DNM2: variants seen among roughly 807,000 people sequenced by gnomAD.
DNM2 encodes the protein dynamin-2.
DNM2 carries 15 observed loss-of-function variants against 99.0 expected under a neutral mutation model. That is an observed-to-expected ratio of 0.15 (90% CI 0.10 to 0.23). The LOEUF (loss-of-function observed/expected upper bound fraction) is 0.23. Among genes scored for constraint, DNM2 ranks in the 10% least tolerant of loss-of-function variants. The pLI is 1.00. For missense variants in DNM2, 742 were observed against 1,189.4 expected (o/e 0.62, Z 5.53); for synonymous variants, 525 against 481.2 (o/e 1.09, Z -1.19).
In DNM2 at chr19:10,764,938, T is replaced by G. The variant is rs796558589; in HGVS notation, c.235+5127T>G. Among the ~76,000 whole-genome samples the G allele has an allele frequency of 2.3e-4, 35 of 151,628 alleles. No individual in the cohort carries two copies. Among genetic ancestry groups the G allele is most frequent in the Non-Finnish European group, 2.9e-5 (2 of 67,924 alleles). On this transcript the variant is annotated intron_variant, in intron 2 of 20. Transcript: ENST00000389253. This position sits in a 1 kb window ranked among gnomAD's most constrained non-coding sequence, Gnocchi z 4.1. ...CCCCGGTCCCCGGCAGCACGAGTTATCCTGTTCTTGTTTTTTCTTTTTCTT... is the reference window on the plus strand; with the variant it reads ...CCCCGGTCCCCGGCAGCACGAGTTAGCCTGTTCTTGTTTTTTCTTTTTCTT...
intron 11 of DNM2, among the ~76,000 whole-genome samples, chr19:10,799,654 C>T (rs1192432862): frequency 6.6e-6 from 1 of 151,832 alleles, no homozygotes; most frequent in Non-Finnish European, 1.5e-5. Context: ...ATGCCTCAGC[C>T]TCCGAAGTAG....
chr19:10,796,648 C>T lies in DNM2; in HGVS notation c.1197-732C>T, dbSNP rs777798506. ...CACCGACTTCTCTGTCCCTCAGCTC[C>T]GGGAATGGCCTGAATGCCAGCGACA... On this transcript the variant is annotated intron_variant, in intron 9 of 20. Transcript: ENST00000389253. This position sits in a 1 kb window ranked among gnomAD's most constrained non-coding sequence, Gnocchi z 5.6. Among the ~76,000 whole-genome samples the T allele has an allele frequency of 4.6e-5, 7 of 152,166 alleles. No homozygotes were observed. The highest frequency in any genetic ancestry group is 4.8e-5 in the African/African-American group (2 of 41,438).
chr19:10,830,513 CT>C lies in DNM2; in HGVS notation c.2543+137del. The C allele has an allele frequency of 2.7e-6, 3 of 1,112,698 alleles. No homozygotes were observed. In the African/African-American group the frequency reaches 4.7e-5, roughly 17 times the overall value. 68.9% of individuals were successfully genotyped at this position (1,112,698 alleles called of 1,614,324 possible). ...AGGAATCGTCCTCATCCCTATTTGGCTTGCGAGGAAACAGGCCCAGAGAGGC... is the reference window on the plus strand; with the variant it reads ...AGGAATCGTCCTCATCCCTATTTGGCTGCGAGGAAACAGGCCCAGAGAGGC... On this transcript the variant is annotated intron_variant, in intron 20 of 20. Coordinates refer to ENST00000389253, the MANE Select transcript of DNM2 (RefSeq NM_001005361.3). The surrounding 1 kb of genome is among the most constrained non-coding windows in gnomAD (Gnocchi z 4.8).
At chr19:10,752,939 C>CT (rs1232043887) in intron 1 of DNM2, among the ~76,000 whole-genome samples, 1 of 152,122 alleles carries the variant, frequency 6.6e-6, no homozygotes, top group African/African-American at 2.4e-5. Flanking sequence ...CAGTGAGACT[C>CT]TGTCTGTTAA....
intron 2 of DNM2, among the ~76,000 whole-genome samples, chr19:10,762,738 C>T (rs4386238): frequency 0.94 from 142,904 of 152,266 alleles, 67,301 homozygotes; most frequent in East Asian, 1. Flanking sequence ...GTCTTTAAAG[C>T]CCACCCTTAA....
chr19:10,793,560 G>T (rs968634686), intron 7 of DNM2, among the ~76,000 whole-genome samples, 160 bp from the exon 8 acceptor site: 4 of 152,200 alleles, frequency 2.6e-5, no homozygotes, highest in African/African-American at 9.7e-5. Context: ...TTTGCCATTG[G>T]GAGCTCTTGA....
chr19:10,746,663 A>AT (rs968454419), intron 1 of DNM2, among the ~76,000 whole-genome samples: 1 of 145,424 alleles, frequency 6.9e-6, no homozygotes, highest in Non-Finnish European at 1.5e-5. Context: ...CAGGTGATCT[A>AT]CCTGCCTCGG....
rs561661769 is a variant in DNM2 at position 10,817,028 on chromosome 19, A to C, written c.1672-2952A>C. On this transcript the variant is annotated intron_variant, in intron 15 of 20. Transcript: ENST00000389253. The surrounding 1 kb of genome is among the most constrained non-coding windows in gnomAD (Gnocchi z 4.6). ...CCCAGACACAAAGCAGGCTCCATTC[A>C]GGAGGGGGCAGCCATGGAACCTGAC... Among the ~76,000 whole-genome samples, 1 of 152,174 alleles carries C rather than the reference A, an allele frequency of 6.6e-6. No homozygotes were observed. The highest frequency in any genetic ancestry group is 1.9e-4 in the East Asian group (1 of 5,178).
intron 1 of DNM2, among the ~76,000 whole-genome samples, chr19:10,740,849 T>C (rs1186559827): frequency 1.3e-5 from 2 of 152,250 alleles, no homozygotes; most frequent in African/African-American, 4.8e-5. Flanking sequence ...TTTAGCAGTA[T>C]GTTCATTTCT....
intron 1 of DNM2, among the ~76,000 whole-genome samples, chr19:10,757,806 A>T (rs553285149): frequency 6.6e-6 from 1 of 151,962 alleles, no homozygotes; most frequent in South Asian, 2.1e-4. Context: ...TTAGCCAGGC[A>T]TGGTAGCGCG....
At chr19:10,724,083 C>CA (rs1203230743) in intron 1 of DNM2, among the ~76,000 whole-genome samples, 127 of 58,642 alleles carry the variant, frequency 2.2e-3, no homozygotes, top group South Asian at 6.6e-3. Flanking sequence ...GACCTCGTCT[C>CA]AAAAAAAAAA....
intron 15 of DNM2, among the ~76,000 whole-genome samples, chr19:10,813,937 T>C (rs1599605827): frequency 6.7e-6 from 1 of 149,774 alleles, no homozygotes; most frequent in Non-Finnish European, 1.5e-5. Context: ...CTGAGGTGGG[T>C]GGATCACCTG....
At chr19:10,826,739 T>C (rs1917519303) in intron 18 of DNM2, among the ~76,000 whole-genome samples, 2 of 151,096 alleles carry the variant, frequency 1.3e-5, no homozygotes, top group African/African-American at 4.9e-5. Flanking sequence ...ATTTAAAAAT[T>C]AGCTGGGCGT....
intron 1 of DNM2, among the ~76,000 whole-genome samples, chr19:10,732,376 G>A (rs955548055): frequency 1.3e-5 from 2 of 149,454 alleles, no homozygotes; most frequent in South Asian, 4.2e-4. Context: ...CGAGGCGGGC[G>A]GATCACGAGG....
At chr19:10,729,587 G>A (rs946724824) in intron 1 of DNM2, among the ~76,000 whole-genome samples, 4 of 152,170 alleles carry the variant, frequency 2.6e-5, no homozygotes, top group Admixed American at 1.3e-4. Context: ...CCTGCGGACC[G>A]GAAAGGACCA....
chr19:10,772,270 A>G lies in DNM2; in HGVS notation c.236-209A>G, dbSNP rs539850152. Among the ~76,000 whole-genome samples, 8 of 152,036 alleles carry G rather than the reference A, an allele frequency of 5.3e-5. No individual in the cohort carries two copies. The East Asian group carries it at 1.6e-3, about 29-fold the overall frequency. On this transcript the variant is annotated intron_variant, in intron 2 of 20. Coordinates refer to ENST00000389253, the MANE Select transcript of DNM2 (RefSeq NM_001005361.3). The surrounding 1 kb of genome is among the most constrained non-coding windows in gnomAD (Gnocchi z 4.9). ...AATTTTTTGTATTTTTAGTAGAGAC[A>G]GGGTTTCACCATGTTAGTGAGGATG...
At position 10,811,480 on chromosome 19, in the gene DNM2, C is replaced by T. The variant is rs2072542548; in HGVS notation, c.1558-784C>T. 2.8e-6 allele frequency: 1 copy of T among 355,970 alleles called. No homozygotes were observed. Among genetic ancestry groups the T allele is most frequent in the African/African-American group, 2.1e-5 (1 of 46,650 alleles). The allele number at this position is 355,970 out of a possible 1,614,324, so 22.1% of individuals were successfully genotyped here. ...GCAGCTGTCCATGGCCATGCTCAGC[C>T]CACCCTTTGTAGCTTGGCCAAGTCT... On this transcript the variant is annotated intron_variant, in intron 14 of 20. Transcript: ENST00000389253. The surrounding 1 kb of genome is among the most constrained non-coding windows in gnomAD (Gnocchi z 5.4).
chr19:10,805,884 C>G (rs2072318538), intron 12 of DNM2, 32 bp from the exon 13 acceptor site: 1 of 1,614,096 alleles, frequency 6.2e-7, no homozygotes, highest in African/African-American at 1.3e-5. Context: ...GGCATCTTGT[C>G]CACGTGAACC....
At chr19:10,761,545 A>G (rs1342811780) in intron 2 of DNM2, among the ~76,000 whole-genome samples, 1 of 152,076 alleles carries the variant, frequency 6.6e-6, no homozygotes, top group East Asian at 1.9e-4. Context: ...AATCTGCAAC[A>G]TCAGCTCTGG....
Sources: gnomAD v4.1 joint callset for allele counts (sites outside exome capture counted in the v4.1 genomes callset) on GRCh38, gnomAD v4.1.1 for gene constraint, Gnocchi (gnomAD v3.1) non-coding constraint, MANE v1.5 for transcripts, NCBI Gene and HGNC (gene_info 2026-07-23, HGNC 2026-07-21) for gene names.